The following FBXL18 variants were observed in gnomAD, a reference collection of about 807,000 sequenced individuals.
FBXL18 encodes F-box and leucine rich repeat protein 18, also known as F-box/LRR-repeat protein 18.
A neutral mutation model predicts 46.0 loss-of-function variants in FBXL18; 36 were observed. That is an observed-to-expected ratio of 0.78 (90% CI 0.60 to 1.03). The LOEUF (loss-of-function observed/expected upper bound fraction) is 1.03. Ranked by LOEUF, FBXL18 falls within the 50% of genes least tolerant of loss-of-function variation. The pLI is 0.00. For missense variants in FBXL18, 977 were observed against 1,004.1 expected (o/e 0.97, Z 0.36); for synonymous variants, 557 against 465.3 (o/e 1.20, Z -2.54).
chr7:5,461,533 C>T lies in FBXL18; in HGVS notation c.2001-13690G>A, dbSNP rs368748820. 2.9e-4 allele frequency among the ~76,000 whole-genome samples: 44 copies of T among 152,320 alleles called. 1 individual carries two copies. Among genetic ancestry groups the T allele is most frequent in the Non-Finnish European group, 5.6e-4 (38 of 68,026 alleles). The stretch of plus-strand genomic sequence containing the variant: ...TGGTGAGTGCCTGTAGTCCAAGCTA[C>T]TTGGGAGGCTGAAGTGGGAGGATTG... On this transcript the variant is annotated intron_variant and NMD_transcript_variant, in intron 4 of 6. Coordinates refer to the FBXL18 transcript ENST00000415009.
intron 4 of FBXL18, among the ~76,000 whole-genome samples, chr7:5,485,250 G>T (rs1783743401): frequency 6.6e-6 from 1 of 152,272 alleles, no homozygotes; most frequent in South Asian, 2.1e-4. Flanking sequence ...TGTGTGGAGG[G>T]GACACCTGGG....
At position 5,481,518 on chromosome 7, in the gene FBXL18, G is replaced by T; in HGVS notation, c.*257C>A. The T allele has an allele frequency of 2.3e-6, 1 of 441,808 alleles. No individual in the cohort carries two copies. Among genetic ancestry groups the T allele is most frequent in the Non-Finnish European group, 4.1e-6 (1 of 242,794 alleles). 27.4% of individuals were successfully genotyped at this position (441,808 alleles called of 1,614,324 possible). On this transcript the variant is annotated 3_prime_UTR_variant, in exon 5 of 5. Transcript: ENST00000382368. ...CAGCCAGGCCCCAAGGGTCAGCCTGGTTCAGCCAGCCCCCCACATCGACCG... is the reference window on the plus strand; with the variant it reads ...CAGCCAGGCCCCAAGGGTCAGCCTGTTTCAGCCAGCCCCCCACATCGACCG...
intron 4 of FBXL18, among the ~76,000 whole-genome samples, chr7:5,484,290 AC>A (rs2128234356): frequency 6.7e-6 from 1 of 150,274 alleles, no homozygotes; most frequent in South Asian, 2.1e-4. Context: ...ACACGGTGAA[AC>A]CCCGTCTCTA....
chr7:5,489,462 C>G (rs1783858214), intron 4 of FBXL18: 10 of 393,566 alleles, frequency 2.5e-5, no homozygotes, highest in South Asian at 1.9e-4. Context: ...TGATGAAACC[C>G]CGTCTCTACT....
At chr7:5,491,037 T>C (rs1030726822) in intron 4 of FBXL18, among the ~76,000 whole-genome samples, 194 bp downstream of exon 4, 1 of 152,270 alleles carries the variant, frequency 6.6e-6, no homozygotes, top group African/African-American at 2.4e-5. Context: ...AAATTTACCA[T>C]GTGGCTAGGG....
rs555894424 is a variant in FBXL18 at position 5,469,675 on chromosome 7, G to A, written c.2000+21556C>T. ...GGAAGCTCCGTGTGTGGATGTGAGCGTGGGAGCGTGCCGTGGAAAGCATGG... is the reference window on the plus strand; with the variant it reads ...GGAAGCTCCGTGTGTGGATGTGAGCATGGGAGCGTGCCGTGGAAAGCATGG... On this transcript the variant is annotated intron_variant and NMD_transcript_variant, in intron 4 of 6. Transcript: ENST00000415009. Among the ~76,000 whole-genome samples the A allele has an allele frequency of 3.9e-5, 6 of 152,128 alleles. No individual in the cohort carries two copies. The South Asian group carries it at 6.2e-4, about 16-fold the overall frequency.
intron 4 of FBXL18, among the ~76,000 whole-genome samples, chr7:5,456,609 G>A (rs1045939421): frequency 6.6e-6 from 1 of 150,806 alleles, no homozygotes; most frequent in Non-Finnish European, 1.5e-5. Context: ...AGGCCCTGGG[G>A]CAGGCCAAGG....
At chr7:5,512,197 A>G (rs1438619501) in intron 1 of FBXL18, among the ~76,000 whole-genome samples, 1 of 150,588 alleles carries the variant, frequency 6.6e-6, no homozygotes, top group African/African-American at 2.4e-5. Flanking sequence ...ATGAGCCGAG[A>G]TCACGCCACT....
chr7:5,459,465 G>A (rs1385002550), intron 4 of FBXL18, among the ~76,000 whole-genome samples: 1 of 152,208 alleles, frequency 6.6e-6, no homozygotes, highest in African/African-American at 2.4e-5. Context: ...TGCTGGCTGG[G>A]CACGGTGGCT....
intron 4 of FBXL18, among the ~76,000 whole-genome samples, chr7:5,454,720 G>A (rs1380778649): frequency 1.3e-5 from 2 of 152,170 alleles, no homozygotes; most frequent in Non-Finnish European, 2.9e-5. Flanking sequence ...GGGAGCAACA[G>A]AGCCTGGGAG....
At chr7:5,489,969 T>A (rs1419219776) in intron 4 of FBXL18, 1 of 1,276,170 alleles carries the variant, frequency 7.8e-7, no homozygotes, top group South Asian at 1.2e-5. Context: ...GAAAAAAGAT[T>A]GATGCATAGT....
intron 4 of FBXL18, chr7:5,489,693 G>A (rs1171198251): frequency 1.3e-5 from 3 of 227,262 alleles, no homozygotes; most frequent in African/African-American, 2.3e-5. Flanking sequence ...GCAGGAGAAT[G>A]TCGTGAACCC....
At chr7:5,493,308 C>A (rs1783979181) in intron 3 of FBXL18, among the ~76,000 whole-genome samples, 1 of 152,184 alleles carries the variant, frequency 6.6e-6, no homozygotes, top group African/African-American at 2.4e-5. Context: ...GCACTCCAAG[C>A]TGGATGACAG....
rs765326368 is a variant in FBXL18 at position 5,500,935 on chromosome 7, G to C, written c.1334C>G (p.Pro445Arg). The change falls in exon 3 of 5, where the codon CCG (proline) becomes CGG (arginine). Residue 445 changes from proline to arginine, a missense_variant. Coordinates refer to ENST00000382368, the MANE Select transcript of FBXL18 (RefSeq NM_024963.6). ...ACGCACTTTCTTGCCAAAGCCGCGCGGCACTGCGTGCATGGCCGGCTGGGC... is the reference window on the plus strand; with the variant it reads ...ACGCACTTTCTTGCCAAAGCCGCGCCGCACTGCGTGCATGGCCGGCTGGGC... The part of the protein sequence containing the change: ...APAQPAMHAV[P>R]RGFGKKVRVG... 12 of 1,551,764 alleles carry C rather than the reference G, an allele frequency of 7.7e-6. No individual in the cohort carries two copies. The highest frequency in any genetic ancestry group is 1.0e-5 in the Non-Finnish European group (12 of 1,151,870).
At chr7:5,458,693 TC>T (rs1302887030) in intron 4 of FBXL18, among the ~76,000 whole-genome samples, 16 of 147,348 alleles carry the variant, frequency 1.1e-4, no homozygotes, top group Non-Finnish European at 2.2e-4. Flanking sequence ...CGAGACTCCG[TC>T]CCCCAAAAAA....
downstream of FBXL18, among the ~76,000 whole-genome samples, chr7:5,473,156 G>A (rs577070190): frequency 3.3e-5 from 5 of 152,234 alleles, no homozygotes; most frequent in South Asian, 4.1e-4. Context: ...TGCAGGCAAC[G>A]GCTCAGACAA....
chr7:5,492,297 G>A (rs751529415), intron 3 of FBXL18, among the ~76,000 whole-genome samples: 17 of 151,450 alleles, frequency 1.1e-4, no homozygotes, highest in Non-Finnish European at 7.4e-5. Context: ...GGGATGTGGC[G>A]CTGCTGAGGA....
rs1287946470 is a variant in FBXL18, at chr7:5,455,061, C to T, written c.2001-7218G>A. On this transcript the variant is annotated intron_variant and NMD_transcript_variant, in intron 4 of 6. Coordinates refer to the FBXL18 transcript ENST00000415009. The surrounding 1 kb of genome is among the most constrained non-coding windows in gnomAD (Gnocchi z 4.6). ...GCACTCCGAGTGCCACCTTCCACGC[C>T]GTCACTTTAGGAGTTTGCTGTGAGG... 2.0e-5 allele frequency among the ~76,000 whole-genome samples: 3 copies of T among 152,268 alleles called. No individual in the cohort carries two copies. The East Asian group carries it at 5.8e-4, about 29-fold the overall frequency.
rs1783585049 is a variant in FBXL18 at position 5,479,218 on chromosome 7, TC to T, written c.*2556del. 6.6e-6 allele frequency: 1 copy of T among 152,012 alleles called. No individual in the cohort carries two copies. Among genetic ancestry groups the T allele is most frequent in the African/African-American group, 2.4e-5 (1 of 41,392 alleles). The allele number at this position is 152,012 out of a possible 1,614,324, so 9.4% of individuals were successfully genotyped here. A position where few individuals can be genotyped will look rare whatever the true frequency, so the allele number is the denominator to read the frequency against. On this transcript the variant is annotated 3_prime_UTR_variant, in exon 5 of 5. Transcript: ENST00000382368. ...GCCTCAGGAACAGCCCTTCCCCCAG[TC>T]CTGTCTATGAGTATAAATTATGCTG...
Sources: allele counts gnomAD v4.1 joint callset (sites outside exome capture counted in the v4.1 genomes callset), GRCh38; gene constraint gnomAD v4.1.1; non-coding constraint Gnocchi (gnomAD v3.1); transcripts MANE v1.5; gene names NCBI Gene and HGNC (gene_info 2026-07-23, HGNC 2026-07-21).